The following STIM1 variants were observed in gnomAD, a reference collection of about 807,000 sequenced individuals.
The protein encoded by STIM1 is stromal interaction molecule 1.
Under a neutral mutation model 74.7 loss-of-function variants are expected in STIM1, and 25 were observed. The ratio of observed to expected loss-of-function variants is 0.33; its 90% CI spans 0.24 to 0.47. STIM1 has a LOEUF of 0.47. Among genes scored for constraint, STIM1 ranks in the 20% least tolerant of loss-of-function variants. The probability of loss-of-function intolerance (pLI) is 1.00; values close to 1 mark genes in which losing one functional copy is unlikely to be tolerated. For missense variants in STIM1, 728 were observed against 920.8 expected (o/e 0.79, Z 2.71); for synonymous variants, 328 against 348.8 (o/e 0.94, Z 0.66).
chr11:3,867,691 T>A (rs1465277882), intron 1 of STIM1, among the ~76,000 whole-genome samples: 1 of 152,196 alleles, frequency 6.6e-6, no homozygotes, highest in Non-Finnish European at 1.5e-5. Context: ...TCTTGGGAGA[T>A]GTGATGGAGG....
intron 2 of STIM1, among the ~76,000 whole-genome samples, chr11:3,992,442 C>G (rs2093625912): frequency 6.6e-6 from 1 of 151,678 alleles, no homozygotes. Context: ...AATAAAAAAC[C>G]TTTACTTATT....
At chr11:3,915,355 G>C (rs982870151) in intron 1 of STIM1, among the ~76,000 whole-genome samples, 24 of 151,452 alleles carry the variant, frequency 1.6e-4, no homozygotes, top group African/African-American at 5.6e-4. Context: ...CTTGCAGAGT[G>C]TTGGGATTAA....
chr11:4,051,107 G>T lies in STIM1; in HGVS notation c.386-4419G>T, dbSNP rs186531859. On this transcript the variant is annotated intron_variant, in intron 3 of 12. Transcript: ENST00000526596. ...ACCTTTTATTGAAAAAAAAATCCAT[G>T]TATAAAATTCATGTATAAATGGACC... 3.1e-3 allele frequency among the ~76,000 whole-genome samples: 465 copies of T among 152,126 alleles called. 14 individuals carry two copies. The highest frequency in any genetic ancestry group is 0.027 in the Admixed American group (407 of 15,276).
chr11:4,031,929 T>G (rs2132930203), intron 3 of STIM1, among the ~76,000 whole-genome samples: 1 of 152,382 alleles, frequency 6.6e-6, no homozygotes, highest in East Asian at 1.9e-4. Flanking sequence ...TGGTATTGTA[T>G]CTAATAAATC....
rs146123671 is a variant in STIM1, at chr11:3,921,799, C to T, written c.140-45753C>T. On this transcript the variant is annotated intron_variant, in intron 1 of 12. Coordinates refer to ENST00000526596, the MANE Select transcript of STIM1 (RefSeq NM_001382567.1). The stretch of plus-strand genomic sequence containing the variant: ...CTTTCTCTCTGTCTCTTAAATTATT[C>T]ACTCTGCGGAAGTCCCATCAATATA... 27 of 152,294 alleles carry T rather than the reference C, an allele frequency of 1.8e-4. No homozygotes were observed. In the East Asian group the frequency reaches 4.4e-3, roughly 25 times the overall value. The allele number at this position is 152,294 out of a possible 1,614,324, so 9.4% of individuals were successfully genotyped here.
intron 1 of STIM1, among the ~76,000 whole-genome samples, chr11:3,935,882 C>T (rs2092925621): frequency 6.6e-6 from 1 of 152,220 alleles, no homozygotes; most frequent in South Asian, 2.1e-4. Context: ...CTACATTATA[C>T]ATAGGTAACA....
chr11:4,071,181 G>A (rs1288192548), intron 6 of STIM1, among the ~76,000 whole-genome samples: 1 of 152,144 alleles, frequency 6.6e-6, no homozygotes, highest in Admixed American at 6.5e-5. Context: ...AGGCAATAGA[G>A]AGTCAAATCA....
chr11:3,937,667 G>A (rs558005963), intron 1 of STIM1, among the ~76,000 whole-genome samples: 233 of 152,194 alleles, frequency 1.5e-3, no homozygotes, highest in Non-Finnish European at 2.7e-3. Context: ...TAGTCCCAGG[G>A]TTCACTCTGC....
intron 1 of STIM1, among the ~76,000 whole-genome samples, chr11:3,959,901 A>G (rs1441639572): frequency 6.6e-6 from 1 of 152,226 alleles, no homozygotes; most frequent in Non-Finnish European, 1.5e-5. Context: ...CTTAACACAA[A>G]TCAAACCAGT....
chr11:4,009,764 T>G (rs1165594344), intron 2 of STIM1, among the ~76,000 whole-genome samples: 1 of 152,128 alleles, frequency 6.6e-6, no homozygotes, highest in Non-Finnish European at 1.5e-5. Context: ...TGTTAGTCCT[T>G]AAGCCACTCC....
At chr11:3,995,200 G>A (rs1173552482) in intron 2 of STIM1, among the ~76,000 whole-genome samples, 1 of 151,656 alleles carries the variant, frequency 6.6e-6, no homozygotes, top group Non-Finnish European at 1.5e-5. Flanking sequence ...TTTTTTTCTG[G>A]TATATGGGTC....
chr11:3,932,940 G>C (rs555993434), intron 1 of STIM1, among the ~76,000 whole-genome samples: 137 of 152,232 alleles, frequency 9.0e-4, no homozygotes, highest in Non-Finnish European at 1.6e-3. Context: ...GAGGTTATTG[G>C]GGTCCAGAGA....
At chr11:3,906,302 AAG>A (rs1159787455) in intron 1 of STIM1, among the ~76,000 whole-genome samples, 6 of 152,246 alleles carry the variant, frequency 3.9e-5, no homozygotes, top group African/African-American at 1.4e-4. Flanking sequence ...TTTCCAGTCT[AAG>A]AGATGAACTA....
chr11:3,887,721 C>G (rs1222579912), intron 1 of STIM1, among the ~76,000 whole-genome samples: 1 of 152,016 alleles, frequency 6.6e-6, no homozygotes, highest in African/African-American at 2.4e-5. Flanking sequence ...GTAATCCTAG[C>G]ACTTTGGGAG....
At position 4,082,290 on chromosome 11, in the gene STIM1, T is replaced by G. The variant is rs1590696846; in HGVS notation, c.1076T>G (p.Val359Gly). Residue 359 changes from valine to glycine, a missense_variant, in exon 8 of 13, where the codon GTG becomes GGG. Coordinates refer to ENST00000526596, the MANE Select transcript of STIM1 (RefSeq NM_001382567.1). ...CTGCAGCTGACACATGAGGTGGAGG[T>G]GCAATATTACAACATCAAGAAGCAA... ...KWLQLTHEVE[V>G]QYYNIKKQNA... The G allele has an allele frequency of 6.2e-7, 1 of 1,613,890 alleles. No individual in the cohort carries two copies. The highest frequency in any genetic ancestry group is 1.1e-5 in the South Asian group (1 of 91,056).
intron 1 of STIM1, among the ~76,000 whole-genome samples, chr11:3,900,585 CTGTT>C (rs948434056): frequency 2.0e-5 from 3 of 152,184 alleles, no homozygotes; most frequent in African/African-American, 7.2e-5. Context: ...GGCTCCCGAC[CTGTT>C]TGTTTGTTTT....
At chr11:3,892,468 C>T (rs1418343532) in intron 1 of STIM1, 1 of 1,507,510 alleles carries the variant, frequency 6.6e-7, no homozygotes, top group Non-Finnish European at 9.2e-7. Flanking sequence ...GCTCTATGGC[C>T]TCCACAATAT....
intron 2 of STIM1, among the ~76,000 whole-genome samples, chr11:4,002,950 C>A (rs1339283917): frequency 1.4e-5 from 2 of 144,910 alleles, no homozygotes; most frequent in Non-Finnish European, 3.1e-5. Flanking sequence ...TCAGAGAATA[C>A]TACAAACACC....
chr11:4,073,779 A>G (rs1415130788), intron 6 of STIM1, among the ~76,000 whole-genome samples: 1 of 152,184 alleles, frequency 6.6e-6, no homozygotes, highest in Non-Finnish European at 1.5e-5. Context: ...CTTATCCACT[A>G]AGGAAGATAC....
Sources: gnomAD v4.1 joint callset for allele counts (sites outside exome capture counted in the v4.1 genomes callset) on GRCh38, gnomAD v4.1.1 for gene constraint, MANE v1.5 for transcripts, NCBI Gene and HGNC (gene_info 2026-07-23, HGNC 2026-07-21) for gene names.